The following KCNN2 variants were observed in gnomAD, a reference collection of about 807,000 sequenced individuals.
KCNN2 encodes the protein small conductance calcium-activated potassium channel protein 2.
A neutral mutation model predicts 55.5 loss-of-function variants in KCNN2; 24 were observed. The ratio of observed to expected loss-of-function variants is 0.43; its 90% CI spans 0.31 to 0.61. The LOEUF (loss-of-function observed/expected upper bound fraction) is 0.61, where lower values mean the gene tolerates loss of function less well. Ranked by LOEUF, KCNN2 falls within the 20% of genes least tolerant of loss-of-function variation. The probability of loss-of-function intolerance (pLI) is 0.08; values close to 1 mark genes in which losing one functional copy is unlikely to be tolerated. For missense variants in KCNN2, 754 were observed against 853.6 expected (o/e 0.88, Z 1.45); for synonymous variants, 431 against 336.1 (o/e 1.28, Z -3.09).
At chr5:114,113,156 C>T (rs1382867836) in intron 1 of KCNN2, among the ~76,000 whole-genome samples, 5 of 152,006 alleles carry the variant, frequency 3.3e-5, no homozygotes, top group African/African-American at 1.2e-4. Flanking sequence ...CATTTTATCT[C>T]TCTTATTTGG....
intron 3 of KCNN2, among the ~76,000 whole-genome samples, chr5:114,412,874 C>T (rs337711): frequency 0.47 from 71,018 of 152,090 alleles, 18,243 homozygotes; most frequent in African/African-American, 0.69. Flanking sequence ...TTACAGAATA[C>T]TGGATAGTTA....
Position 114,066,683 on chromosome 5 carries a change from G to A in KCNN2, c.-271+10183G>A, listed in dbSNP as rs181028513. ...CAACCTCTGCCTCCTGGGTTCAAGC[G>A]ATCCTGCTGCCTCAGCCTCCCAAGT... On this transcript the variant is annotated intron_variant, in intron 1 of 10. Coordinates refer to the KCNN2 transcript ENST00000512097. Among the ~76,000 whole-genome samples, 983 of 152,242 alleles carry A rather than the reference G, an allele frequency of 6.5e-3. 13 individuals are homozygous for A. Among genetic ancestry groups the A allele is most frequent in the African/African-American group, 0.022 (917 of 41,538 alleles).
intron 2 of KCNN2, among the ~76,000 whole-genome samples, chr5:114,308,180 C>T (rs1756325457): frequency 6.6e-6 from 1 of 152,120 alleles, no homozygotes; most frequent in South Asian, 2.1e-4. Context: ...CTGGGGATTA[C>T]CACCACCCAC....
intron 2 of KCNN2, among the ~76,000 whole-genome samples, chr5:114,374,327 A>G (rs994387454): frequency 6.6e-6 from 1 of 152,188 alleles, no homozygotes; most frequent in Non-Finnish European, 1.5e-5. Flanking sequence ...TGCTGAAAGG[A>G]TAAGAGGTAG....
intron 1 of KCNN2, among the ~76,000 whole-genome samples, chr5:114,103,242 A>T (rs2112572107): frequency 6.6e-6 from 1 of 152,124 alleles, no homozygotes; most frequent in Middle Eastern, 3.4e-3. Context: ...TCTGTCTGTT[A>T]TTCGTATATA....
intron 1 of KCNN2, among the ~76,000 whole-genome samples, chr5:114,086,036 T>C (rs2632124): frequency 0.026 from 4,034 of 152,236 alleles, 182 homozygotes; most frequent in African/African-American, 0.091. Context: ...CTGATATTAG[T>C]ATAGCAACTA....
intron 3 of KCNN2, among the ~76,000 whole-genome samples, chr5:114,431,206 A>G (rs897877558): frequency 2.0e-5 from 3 of 152,058 alleles, no homozygotes; most frequent in Admixed American, 6.5e-5. Context: ...TCACCAGTGA[A>G]CCCATGTGGT....
intron 2 of KCNN2, among the ~76,000 whole-genome samples, chr5:114,396,928 A>G (rs1758637806): frequency 6.6e-6 from 1 of 152,022 alleles, no homozygotes. Flanking sequence ...CTTTGCGTCC[A>G]TGTGTACTCA....
chr5:114,082,413 A>G (rs1410275046), intron 1 of KCNN2, among the ~76,000 whole-genome samples: 1 of 152,188 alleles, frequency 6.6e-6, no homozygotes, highest in Non-Finnish European at 1.5e-5. Flanking sequence ...CCTGAAACCC[A>G]TTAGGATGGC....
At chr5:114,187,090 A>AC (rs1414012752) in intron 1 of KCNN2, among the ~76,000 whole-genome samples, 4 of 152,332 alleles carry the variant, frequency 2.6e-5, no homozygotes, top group South Asian at 2.1e-4. Flanking sequence ...CATTAGAAAA[A>AC]TCTATTAATT....
Position 114,312,465 on chromosome 5 carries a change from A to ATG in KCNN2, c.-184-48479_-184-48478insGT, listed in dbSNP as rs1756423770. Reference sequence around the variant, plus strand: ...TATATATATATATATATATATATATATATATATATATGGATCCAGCCTAGT... The same window carrying ATG: ...TATATATATATATATATATATATATATGTATATATATATGGATCCAGCCTAGT... On this transcript the variant is annotated intron_variant, in intron 2 of 10. Transcript: ENST00000512097. Among the ~76,000 whole-genome samples the ATG allele has an allele frequency of 3.7e-5, 4 of 109,224 alleles. No individual in the cohort carries two copies. In the South Asian group the frequency reaches 1.2e-3, roughly 32 times the overall value. 71.7% of individuals were successfully genotyped at this position (109,224 alleles called of 152,430 possible).
chr5:114,264,866 T>C (rs1186382750), intron 2 of KCNN2, among the ~76,000 whole-genome samples: 3 of 152,228 alleles, frequency 2.0e-5, no homozygotes, highest in Non-Finnish European at 4.4e-5. Context: ...CCTGCTGTCC[T>C]CCTGATGACA....
Position 114,105,202 on chromosome 5 carries a change from C to G in KCNN2, c.-271+48702C>G, listed in dbSNP as rs535268813. On this transcript the variant is annotated intron_variant, in intron 1 of 10. Coordinates refer to the KCNN2 transcript ENST00000512097. Reference sequence around the variant, plus strand: ...TTCATCTTTGCACACCCCGCAGAGCCTATTTGTTGCCTTGCACACAGATCA... The same window carrying G: ...TTCATCTTTGCACACCCCGCAGAGCGTATTTGTTGCCTTGCACACAGATCA... 1.6e-4 allele frequency among the ~76,000 whole-genome samples: 25 copies of G among 152,130 alleles called. No individual in the cohort carries two copies. In the South Asian group the frequency reaches 5.2e-3, roughly 32 times the overall value.
chr5:114,295,844 T>C (rs1329190368), intron 2 of KCNN2, among the ~76,000 whole-genome samples: 1 of 152,116 alleles, frequency 6.6e-6, no homozygotes, highest in Non-Finnish European at 1.5e-5. Context: ...CCATCTTGGC[T>C]CCACCACAAT....
chr5:114,270,438 A>G (rs1361130889), intron 2 of KCNN2, among the ~76,000 whole-genome samples: 3 of 152,138 alleles, frequency 2.0e-5, no homozygotes, highest in Non-Finnish European at 2.9e-5. Flanking sequence ...AGATTGTGAT[A>G]TATATGGAGC....
At chr5:114,057,238 C>G (rs1750228560) in intron 1 of KCNN2, 2 of 152,178 alleles carry the variant, frequency 1.3e-5, no homozygotes, top group African/African-American at 4.8e-5. Flanking sequence ...ATAAATAATA[C>G]TAACAACACA....
At chr5:114,265,069 C>A (rs769044594) in intron 2 of KCNN2, among the ~76,000 whole-genome samples, 1 of 152,100 alleles carries the variant, frequency 6.6e-6, no homozygotes, top group Non-Finnish European at 1.5e-5. Flanking sequence ...AAAGCACTTT[C>A]TGAGGCATCA....
intron 1 of KCNN2, among the ~76,000 whole-genome samples, chr5:114,210,413 G>A (rs1239351450): frequency 6.6e-6 from 1 of 152,130 alleles, no homozygotes; most frequent in African/African-American, 2.4e-5. Flanking sequence ...CCTAGAAGCA[G>A]TGCTTCAGTA....
chr5:114,125,176 C>A (rs1324648868), intron 1 of KCNN2, among the ~76,000 whole-genome samples: 11 of 149,446 alleles, frequency 7.4e-5, no homozygotes, highest in African/African-American at 2.1e-4. Flanking sequence ...TTCTTCCCCC[C>A]AAATTTAACT....
Sources: allele counts gnomAD v4.1 joint callset (sites outside exome capture counted in the v4.1 genomes callset), GRCh38; gene constraint gnomAD v4.1.1; transcripts MANE v1.5; gene names NCBI Gene and HGNC (gene_info 2026-07-23, HGNC 2026-07-21).